The following NDFIP1 variants were observed in gnomAD, a reference collection of about 807,000 sequenced individuals.
NDFIP1 encodes the protein NEDD4 family-interacting protein 1.
In NDFIP1, 7 loss-of-function variants were observed where a neutral mutation model predicts 28.8. That is an observed-to-expected ratio of 0.24 (90% CI 0.14 to 0.46). The LOEUF (loss-of-function observed/expected upper bound fraction) is 0.46, where lower values mean the gene tolerates loss of function less well. NDFIP1 is among the 20% of genes least tolerant of loss of function. The pLI, the probability that NDFIP1 is intolerant of heterozygous loss-of-function variation, is 0.99. For missense variants in NDFIP1, 194 were observed against 269.1 expected (o/e 0.72, Z 1.95); for synonymous variants, 92 against 101.0 (o/e 0.91, Z 0.53).
chr5:142,128,627 C>G (rs1757195861), intron 1 of NDFIP1, among the ~76,000 whole-genome samples: 1 of 152,186 alleles, frequency 6.6e-6, no homozygotes, highest in African/African-American at 2.4e-5. Flanking sequence ...AAACAGCTTT[C>G]TTGATGGAGC....
chr5:142,150,105 C>G (rs901825980), intron 7 of NDFIP1, among the ~76,000 whole-genome samples: 1 of 149,774 alleles, frequency 6.7e-6, no homozygotes, highest in South Asian at 2.1e-4. Flanking sequence ...AGCATGAACC[C>G]GGGGGGCGGA....
In NDFIP1 at chr5:142,108,999, G is replaced by A. The variant is rs1756982552; in HGVS notation, c.25G>A (p.Ala9Thr). Residue 9 changes from alanine to threonine, a missense_variant, in exon 1 of 8, where the codon GCG becomes ACG. Ala to Thr is a moderately conservative substitution (Grantham distance 58). Coordinates refer to ENST00000253814, the MANE Select transcript of NDFIP1 (RefSeq NM_030571.4). ...CATGGCGTTGGCGTTGGCGGCGCTG[G>A]CGGCGGTCGAGCCGGCCTGCGGCAG... MALALAAL[A>T]AVEPACGSRY... 1 of 1,444,422 alleles carries A rather than the reference G, an allele frequency of 6.9e-7. No homozygotes were observed. The highest frequency in any genetic ancestry group is 9.1e-7 in the Non-Finnish European group (1 of 1,101,754). The allele number at this position is 1,444,422 out of a possible 1,614,324, so 89.5% of individuals were successfully genotyped here.
intron 6 of NDFIP1, among the ~76,000 whole-genome samples, chr5:142,142,717 C>T (rs1757343858): frequency 6.6e-6 from 1 of 151,666 alleles, no homozygotes; most frequent in African/African-American, 2.4e-5. Flanking sequence ...AACTTGAGGT[C>T]AGGAGTTCGA....
intron 6 of NDFIP1, chr5:142,142,968 T>TATATATATATATATA (rs1757352438): frequency 5.5e-5 from 7 of 127,956 alleles, no homozygotes; most frequent in Non-Finnish European, 8.2e-5. Context: ...TATATATATA[T>TATATATATATATATA]TAATAAGAGT....
At chr5:142,151,576 T>C (rs1337421439) in intron 7 of NDFIP1, among the ~76,000 whole-genome samples, 155 bp from the exon 8 acceptor site, 1 of 152,248 alleles carries the variant, frequency 6.6e-6, no homozygotes, top group African/African-American at 2.4e-5. Flanking sequence ...TTAATGTTTA[T>C]TGAATACCGT....
intron 1 of NDFIP1, among the ~76,000 whole-genome samples, chr5:142,122,220 G>A (rs1002112211): frequency 2.6e-5 from 4 of 152,174 alleles, no homozygotes; most frequent in African/African-American, 9.6e-5. Context: ...CATACTCACT[G>A]GTATGTTTAG....
At chr5:142,119,135 C>A (rs1308074422) in intron 1 of NDFIP1, among the ~76,000 whole-genome samples, 1 of 152,172 alleles carries the variant, frequency 6.6e-6, no homozygotes, top group Non-Finnish European at 1.5e-5. Context: ...CTATATTAAG[C>A]TAAACATAAG....
At chr5:142,124,924 C>T (rs1757156189) in intron 1 of NDFIP1, among the ~76,000 whole-genome samples, 1 of 152,072 alleles carries the variant, frequency 6.6e-6, no homozygotes, top group African/African-American at 2.4e-5. Flanking sequence ...CTCCCGGGTT[C>T]ACACCATTCT....
Position 142,137,726 on chromosome 5 carries a change from T to G in NDFIP1, c.371-8T>G. 1 of 1,613,992 alleles carries G rather than the reference T, an allele frequency of 6.2e-7. No individual in the cohort carries two copies. Among genetic ancestry groups the G allele is most frequent in the Non-Finnish European group, 8.5e-7 (1 of 1,179,906 alleles). ...GTCTAACATCTTTCCCCTCCTCTGC[T>G]TTTGCAGTGGCATTCCTCTTTAACT... On this transcript the variant is annotated splice_polypyrimidine_tract_variant and splice_region_variant and intron_variant, in intron 4 of 7. Transcript: ENST00000253814.
chr5:142,113,834 T>C (rs753569509), intron 1 of NDFIP1, among the ~76,000 whole-genome samples: 1 of 152,240 alleles, frequency 6.6e-6, no homozygotes, highest in Non-Finnish European at 1.5e-5. Flanking sequence ...CATATGTCAC[T>C]TAGCATAATG....
intron 1 of NDFIP1, among the ~76,000 whole-genome samples, chr5:142,110,002 C>A (rs1489669573): frequency 6.6e-6 from 1 of 152,134 alleles, no homozygotes; most frequent in African/African-American, 2.4e-5. Context: ...GTCAATCCTC[C>A]TTTTATCAAA....
At chr5:142,132,050 T>C in intron 2 of NDFIP1, 155 bp downstream of exon 2, 1 of 1,034,174 alleles carries the variant, frequency 9.7e-7, no homozygotes, top group Non-Finnish European at 1.4e-6. Context: ...CATTTAAAAA[T>C]CACCCCCAGT....
chr5:142,111,899 T>C (rs1228335363), intron 1 of NDFIP1, among the ~76,000 whole-genome samples: 1 of 150,314 alleles, frequency 6.7e-6, no homozygotes, highest in East Asian at 2.0e-4. Context: ...AAACCTTGCC[T>C]CTACTAAAAA....
At chr5:142,117,389 G>A (rs368101745) in intron 1 of NDFIP1, among the ~76,000 whole-genome samples, 3 of 151,476 alleles carry the variant, frequency 2.0e-5, no homozygotes, top group Non-Finnish European at 2.9e-5. Flanking sequence ...GACTACAGGC[G>A]CCCGCTATCA....
rs1191887646 is a variant in NDFIP1, at chr5:142,153,399, A to C, written c.*1671A>C. 2.2e-6 allele frequency: 1 copy of C among 457,068 alleles called. No homozygotes were observed. The highest frequency in any genetic ancestry group is 2.0e-5 in the African/African-American group (1 of 50,208). The allele number at this position is 457,068 out of a possible 1,614,324, so 28.3% of individuals were successfully genotyped here. A position where few individuals can be genotyped will look rare whatever the true frequency, so the allele number is the denominator to read the frequency against. ...CTGTGTATGTATATCCAGAATCAGC[A>C]TAGGAAGTCGTTCAGGATATCAGTA... On this transcript the variant is annotated 3_prime_UTR_variant, in exon 8 of 8. Transcript: ENST00000253814.
chr5:142,138,726 G>A (rs1757298416), intron 5 of NDFIP1, among the ~76,000 whole-genome samples: 1 of 152,030 alleles, frequency 6.6e-6, no homozygotes, highest in South Asian at 2.1e-4. Context: ...TGGACTTTAG[G>A]TTAAGAACTC....
intron 1 of NDFIP1, among the ~76,000 whole-genome samples, chr5:142,109,297 G>A (rs1024030573): frequency 1.3e-5 from 2 of 152,176 alleles, no homozygotes; most frequent in Non-Finnish European, 2.9e-5. Flanking sequence ...TTCCCAGGGC[G>A]GGCGGGTCCC....
In NDFIP1 at chr5:142,108,783, G is replaced by A. The variant is rs1596778068; in HGVS notation, c.-192G>A. On this transcript the variant is annotated 5_prime_UTR_variant, in exon 1 of 8. Coordinates refer to ENST00000253814, the MANE Select transcript of NDFIP1 (RefSeq NM_030571.4). ...CGTAGTCCCCGCCTCTTCCCCAGGGGCCGCGTCGGAGCCTCGGCGGCGGCG... is the reference window on the plus strand; with the variant it reads ...CGTAGTCCCCGCCTCTTCCCCAGGGACCGCGTCGGAGCCTCGGCGGCGGCG... 5 of 427,770 alleles carry A rather than the reference G, an allele frequency of 1.2e-5. No individual in the cohort carries two copies. The highest frequency in any genetic ancestry group is 4.2e-5 in the African/African-American group (2 of 48,104). The allele number at this position is 427,770 out of a possible 1,614,324, so 26.5% of individuals were successfully genotyped here. A position where few individuals can be genotyped will look rare whatever the true frequency, so the allele number is the denominator to read the frequency against.
intron 1 of NDFIP1, among the ~76,000 whole-genome samples, chr5:142,119,778 A>G (rs989248713): frequency 6.6e-6 from 1 of 152,208 alleles, no homozygotes; most frequent in Admixed American, 6.5e-5. Context: ...GAATAGTATA[A>G]CATAACACTC....
Sources: allele counts gnomAD v4.1 joint callset (sites outside exome capture counted in the v4.1 genomes callset), GRCh38; gene constraint gnomAD v4.1.1; transcripts MANE v1.5; gene names NCBI Gene and HGNC (gene_info 2026-07-23, HGNC 2026-07-21).